BTRC: variants seen among roughly 807,000 people sequenced by gnomAD.
BTRC encodes the protein beta-transducin repeat containing E3 ubiquitin protein ligase.
BTRC carries 42 observed loss-of-function variants against 85.5 expected under a neutral mutation model. The observed-to-expected ratio is 0.49, with a 90% CI of 0.38 to 0.64. BTRC has a LOEUF of 0.64. Among genes scored for constraint, BTRC ranks in the 30% least tolerant of loss-of-function variants. The pLI is 0.00. For missense variants in BTRC, 594 were observed against 743.5 expected, an observed-to-expected ratio of 0.80 and a Z score of 2.34; for synonymous variants, 255 against 263.3, an observed-to-expected ratio of 0.97 and a Z score of 0.30.
chr10:101,519,276 C>T (rs903117875), intron 4 of BTRC, among the ~76,000 whole-genome samples: 15 of 151,938 alleles, frequency 9.9e-5, no homozygotes, highest in African/African-American at 3.4e-4. Context: ...GATAGGGTTT[C>T]ACGATGTTGG....
At chr10:101,453,829 G>A (rs747774155) in intron 2 of BTRC, among the ~76,000 whole-genome samples, 1 of 152,198 alleles carries the variant, frequency 6.6e-6, no homozygotes, top group African/African-American at 2.4e-5. Context: ...TTGGTTAAGG[G>A]TTGCCAAACT....
At chr10:101,354,466 A>C in intron 1 of BTRC, 1 of 516,954 alleles carries the variant, frequency 1.9e-6, no homozygotes, top group Non-Finnish European at 3.4e-6. Flanking sequence ...TGACAGCGGG[A>C]GCTTAATCGA....
At chr10:101,423,859 C>G (rs1412975596) in intron 1 of BTRC, among the ~76,000 whole-genome samples, 4 of 152,214 alleles carry the variant, frequency 2.6e-5, no homozygotes, top group Non-Finnish European at 4.4e-5. Flanking sequence ...GTTTGAAATG[C>G]AAGTGGCATT....
intron 11 of BTRC, among the ~76,000 whole-genome samples, chr10:101,536,178 A>G (rs1296888090): frequency 6.6e-6 from 1 of 152,234 alleles, no homozygotes; most frequent in Non-Finnish European, 1.5e-5. Flanking sequence ...ACAGGACATC[A>G]CTGATAATCT....
chr10:101,441,414 TCAGCATTGGACCAGA>T (rs1226345876), intron 2 of BTRC, among the ~76,000 whole-genome samples: 4 of 152,208 alleles, frequency 2.6e-5, no homozygotes, highest in Non-Finnish European at 5.9e-5. Flanking sequence ...CCATAGAATT[TCAGCATTGGACCAGA>T]CATCAGAGGC....
intron 1 of BTRC, among the ~76,000 whole-genome samples, chr10:101,399,925 G>T (rs200864138): frequency 1.3e-5 from 2 of 152,214 alleles, no homozygotes; most frequent in East Asian, 3.9e-4. Flanking sequence ...GATCCTTCTT[G>T]TGAATATGTA....
At chr10:101,480,237 C>T (rs915741877) in intron 4 of BTRC, among the ~76,000 whole-genome samples, 9 of 152,118 alleles carry the variant, frequency 5.9e-5, no homozygotes, top group Admixed American at 5.2e-4. Flanking sequence ...TTTAGTTTAA[C>T]CTATTTTATT....
intron 9 of BTRC, among the ~76,000 whole-genome samples, chr10:101,533,383 A>C (rs2062330485): frequency 6.6e-6 from 1 of 152,230 alleles, no homozygotes; most frequent in Admixed American, 6.5e-5. Flanking sequence ...GGGGAATGAT[A>C]TGAATGCAAT....
chr10:101,510,532 C>T (rs190665435), intron 4 of BTRC, among the ~76,000 whole-genome samples: 48 of 150,844 alleles, frequency 3.2e-4, no homozygotes, highest in Admixed American at 5.9e-4. Flanking sequence ...AAAAAAAAGT[C>T]GTTGTTAGAT....
intron 8 of BTRC, among the ~76,000 whole-genome samples, 168 bp from the exon 9 acceptor site, chr10:101,532,784 G>GTGTGTGTGTGTGTGTGTGTGTGTGTA (rs373538962): frequency 6.9e-6 from 1 of 145,766 alleles, no homozygotes; most frequent in African/African-American, 2.6e-5. Context: ...GTGTGTGTGT[G>GTGTGTGTGTGTGTGTGTGTGTGTGTA]TGTGTGCGCG....
rs1325932759 is a variant in BTRC at position 101,379,813 on chromosome 10, C to T, written c.48+25585C>T. On this transcript the variant is annotated intron_variant, in intron 1 of 14. Transcript: ENST00000370187. ...GATTCTTACAAAGCTTGTAAATAGC[C>T]AGGAAAAAAGGGACAGAAAATAAAA... Among the ~76,000 whole-genome samples, 4 of 151,516 alleles carry T rather than the reference C, an allele frequency of 2.6e-5. No homozygotes were observed. The South Asian group carries it at 8.3e-4, about 31-fold the overall frequency.
chr10:101,526,329 A>G (rs1278223716), intron 6 of BTRC, 130 bp downstream of exon 6: 2 of 805,498 alleles, frequency 2.5e-6, no homozygotes, highest in Non-Finnish European at 1.9e-6. Context: ...TTCTAGCTTA[A>G]AATGTAACAG....
chr10:101,385,381 A>G (rs1477798642), intron 1 of BTRC, among the ~76,000 whole-genome samples: 1 of 150,294 alleles, frequency 6.7e-6, no homozygotes, highest in Non-Finnish European at 1.5e-5. Flanking sequence ...AAAAAAAAAA[A>G]AAAGAAAAGA....
chr10:101,550,985 T>TG, intron 14 of BTRC, 94 bp downstream of exon 14: 1 of 1,198,960 alleles, frequency 8.3e-7, no homozygotes, highest in African/African-American at 1.5e-5. Context: ...TCCTGCCGTT[T>TG]GGGTCACCAA....
intron 4 of BTRC, among the ~76,000 whole-genome samples, chr10:101,500,469 A>T (rs1946374504): frequency 6.6e-6 from 1 of 152,198 alleles, no homozygotes; most frequent in Non-Finnish European, 1.5e-5. Context: ...GGTGTATATA[A>T]CTTTTTGCCT....
At position 101,429,574 on chromosome 10, in the gene BTRC, TTC is replaced by T. The variant is rs936525292; in HGVS notation, c.49-763_49-762del. Among the ~76,000 whole-genome samples the T allele has an allele frequency of 2.2e-5, 3 of 135,492 alleles. No individual in the cohort carries two copies. In the East Asian group the frequency reaches 7.2e-4, roughly 33 times the overall value. 88.9% of individuals were successfully genotyped at this position (135,492 alleles called of 152,430 possible). On this transcript the variant is annotated intron_variant, in intron 1 of 14. Transcript: ENST00000370187. ...TTTCTTCTTCTTCTCTCTCTCTCCT[TTC>T]TCTCTCTTTTCTCTCTCCTTTTTCT...
intron 3 of BTRC, 88 bp downstream of exon 3, chr10:101,462,146 C>T (rs1945243798): frequency 8.2e-6 from 9 of 1,094,058 alleles, no homozygotes; most frequent in Non-Finnish European, 1.2e-5. Context: ...ATTCTTTAAG[C>T]ACTGGAGCTT....
chr10:101,421,624 T>G (rs1193456840), intron 1 of BTRC, among the ~76,000 whole-genome samples: 2 of 72,386 alleles, frequency 2.8e-5, no homozygotes, highest in Non-Finnish European at 5.0e-5. Context: ...CCCTCCCCCC[T>G]CCCCCCACCC....
At chr10:101,398,395 C>T (rs11190992) in intron 1 of BTRC, among the ~76,000 whole-genome samples, 54,837 of 151,756 alleles carry the variant, frequency 0.36, 11,000 homozygotes, top group Middle Eastern at 0.48. Flanking sequence ...CTCTGCCTTC[C>T]GGGTTCACAC....
Sources: gnomAD v4.1 joint callset for allele counts (sites outside exome capture counted in the v4.1 genomes callset) on GRCh38, gnomAD v4.1.1 for gene constraint, MANE v1.5 for transcripts, NCBI Gene and HGNC (gene_info 2026-07-23, HGNC 2026-07-21) for gene names.